Variants in MYO5C observed in about 807,000 individuals in gnomAD.
The protein encoded by MYO5C is unconventional myosin-Vc.
A neutral mutation model predicts 235.7 loss-of-function variants in MYO5C; 194 were observed. That is an observed-to-expected ratio of 0.82 (90% confidence interval 0.73 to 0.93). The LOEUF (loss-of-function observed/expected upper bound fraction) is 0.93, where lower values mean the gene tolerates loss of function less well. Ranked by LOEUF, MYO5C falls within the 40% of genes least tolerant of loss-of-function variation. MYO5C has a pLI of 0.00. For missense variants in MYO5C, 2,038 were observed against 2,127.2 expected (o/e 0.96, Z 0.82); for synonymous variants, 707 against 754.8 (o/e 0.94, Z 1.04).
At position 52,192,820 on chromosome 15, in the gene MYO5C, T is replaced by C. The variant is rs548608435; in HGVS notation, c.*1082A>G. The C allele has an allele frequency of 5.9e-5, 9 of 151,874 alleles. No individual in the cohort carries two copies. In the East Asian group the frequency reaches 1.5e-3, roughly 26 times the overall value. The allele number at this position is 151,874 out of a possible 1,614,324, so 9.4% of individuals were successfully genotyped here. A position where few individuals can be genotyped will look rare whatever the true frequency, so the allele number is the denominator to read the frequency against. ...AGTAATTTAGGTTGCTTTTTCAATC[T>C]GAGGTTGTTTTAAAAAAGTTATTGT... On this transcript the variant is annotated 3_prime_UTR_variant, in exon 41 of 41. Coordinates refer to ENST00000261839, the MANE Select transcript of MYO5C (RefSeq NM_018728.4).
At chr15:52,233,701 G>C (rs955486483) in intron 23 of MYO5C, among the ~76,000 whole-genome samples, 1 of 152,236 alleles carries the variant, frequency 6.6e-6, no homozygotes, top group African/African-American at 2.4e-5. Context: ...GCAGGCCGAA[G>C]GGCAGGACGT....
At position 52,224,897 on chromosome 15, in the gene MYO5C, T is replaced by C. The variant is rs1231053491; in HGVS notation, c.3446+4A>G. On this transcript the variant is annotated splice_donor_region_variant and intron_variant, in intron 28 of 40. Transcript: ENST00000261839. Reference sequence around the variant, plus strand: ...AAAGAAGATCCCTGAGGAGAATTTCTAACCGTGTTGCTTTCTTTAGTCCTT... The same window carrying C: ...AAAGAAGATCCCTGAGGAGAATTTCCAACCGTGTTGCTTTCTTTAGTCCTT... 2 of 1,610,194 alleles carry C rather than the reference T, an allele frequency of 1.2e-6. No individual in the cohort carries two copies. Among genetic ancestry groups the C allele is most frequent in the East Asian group, 2.2e-5 (1 of 44,806 alleles).
chr15:52,225,008 C>T, intron 27 of MYO5C, 27 bp from the exon 28 acceptor site: 1 of 1,613,424 alleles, frequency 6.2e-7, no homozygotes, highest in Non-Finnish European at 8.5e-7. Context: ...ATAAGAAAAT[C>T]TATCATCTCT....
chr15:52,242,486 G>T, intron 19 of MYO5C: 1 of 381,548 alleles, frequency 2.6e-6, no homozygotes, highest in Non-Finnish European at 4.8e-6. Flanking sequence ...TGATGAGACT[G>T]TGCACTGGTG....
chr15:52,217,485 C>T (rs1326589283), intron 32 of MYO5C, among the ~76,000 whole-genome samples: 1 of 152,204 alleles, frequency 6.6e-6, no homozygotes, highest in Non-Finnish European at 1.5e-5. Flanking sequence ...ATTGAGATCC[C>T]AGGGGCCCAC....
rs896009574 is a variant in MYO5C at position 52,228,982 on chromosome 15, G to C, written c.3207+151C>G. 5.3e-6 allele frequency: 4 copies of C among 760,404 alleles called. No individual in the cohort carries two copies. The East Asian group carries it at 7.6e-5, about 14-fold the overall frequency. The allele number at this position is 760,404 out of a possible 1,614,324, so 47.1% of individuals were successfully genotyped here. A position where few individuals can be genotyped will look rare whatever the true frequency, so the allele number is the denominator to read the frequency against. Reference sequence around the variant, plus strand: ...ATGATTGCTAAATCAAAGGCAGCCTGGAGGTGCACAGTTGGAAGGACTGAA... The same window carrying C: ...ATGATTGCTAAATCAAAGGCAGCCTCGAGGTGCACAGTTGGAAGGACTGAA... On this transcript the variant is annotated intron_variant, in intron 25 of 40. Coordinates refer to ENST00000261839, the MANE Select transcript of MYO5C (RefSeq NM_018728.4).
At chr15:52,252,326 C>G (rs1414296215) in intron 12 of MYO5C, among the ~76,000 whole-genome samples, 1 of 152,180 alleles carries the variant, frequency 6.6e-6, no homozygotes, top group Non-Finnish European at 1.5e-5. Flanking sequence ...TCCTCCCCTT[C>G]CCCTGCCTCA....
chr15:52,221,378 C>A, intron 29 of MYO5C, 123 bp from the exon 30 acceptor site: 1 of 654,242 alleles, frequency 1.5e-6, no homozygotes, highest in South Asian at 2.2e-5. Flanking sequence ...TGTAAAAGAG[C>A]TAGCCACGAC....
In MYO5C at chr15:52,275,693, C is replaced by T; in HGVS notation, c.475G>A (p.Val159Ile). ...TTTCCAGCACCTGACTCCCCACTTA[C>T]AATTATGGACTGGTTTCTGTTGTTT... ...ARNNRNQSIIVSGESGAGKTV... is the reference protein window; with the variant it reads ...ARNNRNQSIIISGESGAGKTV... The change falls in exon 5 of 41, where the codon GTA becomes ATA. Residue 159 changes from valine (V) to isoleucine (I), a missense_variant. Coordinates refer to ENST00000261839, the MANE Select transcript of MYO5C (RefSeq NM_018728.4). 1 of 1,614,200 alleles carries T rather than the reference C, an allele frequency of 6.2e-7. No homozygotes were observed. The highest frequency in any genetic ancestry group is 1.1e-5 in the South Asian group (1 of 91,082).
intron 8 of MYO5C, among the ~76,000 whole-genome samples, chr15:52,265,896 G>C (rs1214117991): frequency 6.6e-6 from 1 of 152,166 alleles, no homozygotes; most frequent in African/African-American, 2.4e-5. Flanking sequence ...CAAGAACACA[G>C]GGAAGACTCC....
intron 1 of MYO5C, among the ~76,000 whole-genome samples, chr15:52,288,176 C>A (rs1009146619): frequency 3.9e-5 from 6 of 152,066 alleles, no homozygotes; most frequent in Admixed American, 6.6e-5. Flanking sequence ...AGAAATAACT[C>A]ACCAAACAGC....
chr15:52,225,017 C>T (rs2035788974), intron 27 of MYO5C, 36 bp from the exon 28 acceptor site: 2 of 1,613,308 alleles, frequency 1.2e-6, no homozygotes, highest in Non-Finnish European at 1.7e-6. Flanking sequence ...TCTATCATCT[C>T]TGTCACGTTT....
chr15:52,245,898 C>T, intron 17 of MYO5C, 58 bp downstream of exon 17: 1 of 1,491,766 alleles, frequency 6.7e-7, no homozygotes, highest in South Asian at 1.1e-5. Context: ...GTCCTTGGTT[C>T]TCAGCATAGC....
chr15:52,201,249 A>G (rs1416632663), intron 38 of MYO5C, among the ~76,000 whole-genome samples: 7 of 152,206 alleles, frequency 4.6e-5, no homozygotes, highest in Non-Finnish European at 8.8e-5. Flanking sequence ...ACTATGGAAA[A>G]CTAAAGACAA....
chr15:52,229,955 G>A (rs565016763), intron 24 of MYO5C, among the ~76,000 whole-genome samples: 1 of 152,294 alleles, frequency 6.6e-6, no homozygotes, highest in South Asian at 2.1e-4. Flanking sequence ...CCCTGGAAGG[G>A]CCAGTTTCCT....
Position 52,264,207 on chromosome 15 carries a change from C to G in MYO5C, c.1030G>C (p.Glu344Gln), listed in dbSNP as rs772088344. ...CATCTCACACTAACTGAGGACCTCT[C>G]GTTGCCCACCGCGGTGATCTGCACA... ...GNVQITAVGNERSSVSEDDSH... is the reference protein window; with the variant it reads ...GNVQITAVGNQRSSVSEDDSH... Residue 344 changes from glutamate to glutamine, a missense_variant, in exon 9 of 41, where the codon GAG becomes CAG. Transcript: ENST00000261839. The G allele has an allele frequency of 3.1e-6, 5 of 1,612,950 alleles. No individual in the cohort carries two copies. The highest frequency in any genetic ancestry group is 1.7e-4 in the Middle Eastern group (1 of 6,060).
At chr15:52,275,959 A>G (rs1329529077) in intron 4 of MYO5C, among the ~76,000 whole-genome samples, 1 of 151,710 alleles carries the variant, frequency 6.6e-6, no homozygotes, top group African/African-American at 2.4e-5. Context: ...CTGCTTCCCT[A>G]CTCAACCTTT....
intron 30 of MYO5C, 41 bp from the exon 31 acceptor site, chr15:52,219,863 A>G (rs765627258): frequency 6.8e-7 from 1 of 1,462,682 alleles, no homozygotes; most frequent in Admixed American, 1.7e-5. Context: ...GGGGGCACAT[A>G]TCACTGCATT....
chr15:52,286,167 G>T (rs147627945), intron 1 of MYO5C, among the ~76,000 whole-genome samples: 1 of 151,380 alleles, frequency 6.6e-6, no homozygotes, highest in Admixed American at 6.6e-5. Flanking sequence ...CAGCCACCCC[G>T]TCTGGGAGGA....
Sources: allele counts gnomAD v4.1 joint callset (sites outside exome capture counted in the v4.1 genomes callset), GRCh38; gene constraint gnomAD v4.1.1; transcripts MANE v1.5; gene names NCBI Gene and HGNC (gene_info 2026-07-23, HGNC 2026-07-21).